Variants in AHCYL1 observed in about 807,000 individuals in gnomAD.
The protein encoded by AHCYL1 is S-adenosylhomocysteine hydrolase-like protein 1.
In AHCYL1, 20 loss-of-function variants were observed where a neutral mutation model predicts 79.3. The ratio of observed to expected loss-of-function variants is 0.25; its 90% CI spans 0.18 to 0.37. AHCYL1 has a LOEUF of 0.37. AHCYL1 is among the 10% of genes least tolerant of loss of function. The pLI is 1.00. For missense variants in AHCYL1, 330 were observed against 673.6 expected, an observed-to-expected ratio of 0.49 and a Z score of 5.65; for synonymous variants, 223 against 242.2, an observed-to-expected ratio of 0.92 and a Z score of 0.74.
At chr1:109,995,655 A>C (rs1252638422) in intron 1 of AHCYL1, 1 of 985,270 alleles carries the variant, frequency 1.0e-6, no homozygotes, top group Non-Finnish European at 1.2e-6. Context: ...GATCCTGCTT[A>C]GATTATTTCT....
intron 5 of AHCYL1, 41 bp downstream of exon 5, chr1:110,013,040 T>G: frequency 2.0e-6 from 3 of 1,495,546 alleles, no homozygotes; most frequent in Non-Finnish European, 2.8e-6. Flanking sequence ...CCCAAAATAG[T>G]TATCCAAACA....
chr1:109,993,033 G>C (rs1649847671), intron 1 of AHCYL1, among the ~76,000 whole-genome samples: 2 of 152,180 alleles, frequency 1.3e-5, no homozygotes, highest in Non-Finnish European at 2.9e-5. Flanking sequence ...TCTTTGGGAT[G>C]CTCCTCAGCT....
Position 110,016,723 on chromosome 1 carries a change from A to T in AHCYL1, c.956A>T (p.Tyr319Phe). The change falls in exon 9 of 17, where the codon TAT becomes TTT. Residue 319 changes from tyrosine (Y) to phenylalanine (F), a missense_variant. Around this residue, in one of 6 missense-constraint regions of AHCYL1, gnomAD observed 119 missense variants for 293.3 expected, o/e 0.41. Transcript: ENST00000369799. ...FGGKQVVVCG[Y>F]GEVGKGCCAA... ...GGGAAACAAGTGGTGGTGTGTGGCT[A>T]TGGTGAGGTAAATAGCTGGGTCTCA... is the stretch of plus-strand genomic sequence containing the variant. The T allele has an allele frequency of 6.2e-7, 1 of 1,614,168 alleles. No individual in the cohort carries two copies. Among genetic ancestry groups the T allele is most frequent in the Non-Finnish European group, 8.5e-7 (1 of 1,180,016 alleles).
intron 4 of AHCYL1, 54 bp downstream of exon 4, chr1:110,012,516 A>ATT: frequency 2.5e-4 from 284 of 1,123,754 alleles, no homozygotes; most frequent in South Asian, 3.3e-4. Context: ...AAAGAAATCA[A>ATT]TTTTTTTTTT....
chr1:110,018,453 A>T lies in AHCYL1; in HGVS notation c.1204A>T (p.Thr402Ser), dbSNP rs377514657. 9.3e-6 allele frequency: 15 copies of T among 1,614,064 alleles called. No homozygotes were observed. The highest frequency in any genetic ancestry group is 1.3e-5 in the Non-Finnish European group (15 of 1,180,038). ...CIVCNMGHSNTEIDVTSLRTP... is the reference protein window; with the variant it reads ...CIVCNMGHSNSEIDVTSLRTP... ...CGTATGCAATATGGGCCACTCCAAC[A>T]CAGAAATCGATGTGGTAAGGCTTCT... Residue 402 changes from threonine to serine, a missense_variant, in exon 12 of 17, where the codon ACA (threonine) becomes TCA (serine). Around this residue, in one of 6 missense-constraint regions of AHCYL1, gnomAD observed 119 missense variants for 293.3 expected, o/e 0.41. Coordinates refer to ENST00000369799, the MANE Select transcript of AHCYL1 (RefSeq NM_006621.7).
rs1650522357 is a variant in AHCYL1 at position 110,004,506 on chromosome 1, A to G, written c.121-4528A>G. 3.0e-6 allele frequency: 3 copies of G among 983,858 alleles called. No individual in the cohort carries two copies. The South Asian group carries it at 1.4e-4, about 46-fold the overall frequency. The allele number at this position is 983,858 out of a possible 1,614,324, so 60.9% of individuals were successfully genotyped here. A position where few individuals can be genotyped will look rare whatever the true frequency, so the allele number is the denominator to read the frequency against. On this transcript the variant is annotated intron_variant, in intron 1 of 16. Coordinates refer to ENST00000369799, the MANE Select transcript of AHCYL1 (RefSeq NM_006621.7). ...AAGGGAATTCCTTTCTTTGGGAAACACTTTTTTTTTTACTTGAAGTGAAAG... is the reference window on the plus strand; with the variant it reads ...AAGGGAATTCCTTTCTTTGGGAAACGCTTTTTTTTTTACTTGAAGTGAAAG...
chr1:110,021,426 G>C (rs1275567513), intron 16 of AHCYL1, among the ~76,000 whole-genome samples: 1 of 152,098 alleles, frequency 6.6e-6, no homozygotes, highest in Non-Finnish European at 1.5e-5. Flanking sequence ...AACCTCCCCA[G>C]ATTATTGTAA....
intron 1 of AHCYL1, among the ~76,000 whole-genome samples, chr1:110,003,765 G>A (rs188498626): frequency 6.6e-6 from 1 of 152,236 alleles, no homozygotes; most frequent in East Asian, 1.9e-4. Context: ...AAACAGTCTG[G>A]GTGTGTGTTA....
rs765571407 is a variant in AHCYL1 at position 110,012,363 on chromosome 1, C to T, written c.378C>T (p.Asp126=). Residue 126 remains aspartate, a splice_region_variant and synonymous_variant, in exon 4 of 17, where the codon GAC becomes GAT. Transcript: ENST00000369799. ...CTCAAATCCTCTGTTCTTTCACAGA[C>T]ATGTCTGCTCTGATTTCACTCAGGA... ...GRREIEIAEQ[D]MSALISLRKR... 4.3e-6 allele frequency: 7 copies of T among 1,612,708 alleles called. No homozygotes were observed. Among genetic ancestry groups the T allele is most frequent in the Admixed American group, 1.7e-5 (1 of 59,838 alleles).
Position 110,016,735 on chromosome 1 carries a change from A to G in AHCYL1, c.963+5A>G. On this transcript the variant is annotated splice_donor_5th_base_variant and intron_variant, in intron 9 of 16. Coordinates refer to ENST00000369799, the MANE Select transcript of AHCYL1 (RefSeq NM_006621.7). ...GTGGTGTGTGGCTATGGTGAGGTAA[A>G]TAGCTGGGTCTCAGTGTCTCTTTCT... 6.2e-7 allele frequency: 1 copy of G among 1,614,104 alleles called. No homozygotes were observed. The highest frequency in any genetic ancestry group is 8.5e-7 in the Non-Finnish European group (1 of 1,180,006).
intron 16 of AHCYL1, 29 bp from the exon 17 acceptor site, chr1:110,021,645 T>G: frequency 6.2e-7 from 1 of 1,611,018 alleles, no homozygotes; most frequent in Non-Finnish European, 8.5e-7. Flanking sequence ...AAGACATAAG[T>G]GTTAACCAAT....
At chr1:110,010,211 A>G (rs1173336147) in intron 2 of AHCYL1, among the ~76,000 whole-genome samples, 7 of 152,228 alleles carry the variant, frequency 4.6e-5, no homozygotes, top group Admixed American at 6.5e-5. Context: ...CGGCCATGTT[A>G]CAGAAATGTA....
intron 1 of AHCYL1, among the ~76,000 whole-genome samples, chr1:109,992,778 T>C (rs1649834162): frequency 6.6e-6 from 1 of 152,164 alleles, no homozygotes; most frequent in South Asian, 2.1e-4. Context: ...TTAATGAAAA[T>C]CCTGGTTCTT....
intron 7 of AHCYL1, 51 bp from the exon 8 acceptor site, chr1:110,016,293 G>T (rs1294042240): frequency 7.2e-7 from 1 of 1,381,614 alleles, no homozygotes; most frequent in Non-Finnish European, 1.0e-6. Context: ...AAATTATGTT[G>T]TGCCAGCTAA....
intron 1 of AHCYL1, among the ~76,000 whole-genome samples, chr1:109,987,275 C>A (rs950132386): frequency 1.3e-5 from 2 of 152,164 alleles, no homozygotes; most frequent in African/African-American, 4.8e-5. Context: ...CTGAATTGAA[C>A]ATTAAGACTT....
chr1:109,993,970 A>C (rs1396602628), intron 1 of AHCYL1, among the ~76,000 whole-genome samples: 1 of 152,234 alleles, frequency 6.6e-6, no homozygotes, highest in Non-Finnish European at 1.5e-5. Context: ...AGTAATAAAC[A>C]ACAGCTCCGT....
At position 110,000,249 on chromosome 1, in the gene AHCYL1, G is replaced by A. The variant is rs530625740; in HGVS notation, c.121-8785G>A. On this transcript the variant is annotated intron_variant, in intron 1 of 16. Transcript: ENST00000369799. Reference sequence around the variant, plus strand: ...ACTAAACTAAAAATTTTGCTTAAACGCAGGTGGAAATCATACAAATAGGGA... The same window carrying A: ...ACTAAACTAAAAATTTTGCTTAAACACAGGTGGAAATCATACAAATAGGGA... Among the ~76,000 whole-genome samples, 9 of 152,248 alleles carry A rather than the reference G, an allele frequency of 5.9e-5. No individual in the cohort carries two copies. The South Asian group carries it at 1.7e-3, about 28-fold the overall frequency.
chr1:109,997,439 C>G (rs1181251287), intron 1 of AHCYL1, among the ~76,000 whole-genome samples: 1 of 152,190 alleles, frequency 6.6e-6, no homozygotes, highest in South Asian at 2.1e-4. Flanking sequence ...AGGAGAGCAG[C>G]TTTCTCCTTA....
chr1:110,001,493 CTTT>C (rs1343302142), intron 1 of AHCYL1, among the ~76,000 whole-genome samples: 1 of 152,168 alleles, frequency 6.6e-6, no homozygotes, highest in Non-Finnish European at 1.5e-5. Flanking sequence ...GCCTTGACAG[CTTT>C]TTATTTCCCT....
Sources: allele counts gnomAD v4.1 joint callset (sites outside exome capture counted in the v4.1 genomes callset), GRCh38; gene constraint gnomAD v4.1.1; regional missense constraint gnomAD v4.1.1; transcripts MANE v1.5; gene names NCBI Gene and HGNC (gene_info 2026-07-23, HGNC 2026-07-21).